SYT17: variants seen among roughly 807,000 people sequenced by gnomAD.
The protein encoded by SYT17 is synaptotagmin-17.
SYT17 carries 22 observed loss-of-function variants against 46.7 expected under a neutral mutation model. The ratio of observed to expected loss-of-function variants is 0.47; its 90% confidence interval spans 0.34 to 0.67. The LOEUF (loss-of-function observed/expected upper bound fraction) is 0.67, where lower values mean the gene tolerates loss of function less well. Among genes scored for constraint, SYT17 ranks in the 30% least tolerant of loss-of-function variants. The pLI is 0.01. For missense variants in SYT17, 519 were observed against 612.8 expected (o/e 0.85, Z 1.62); for synonymous variants, 251 against 248.4 (o/e 1.01, Z -0.10).
At chr16:19,236,075 GTTCC>G (rs749451590) in intron 7 of SYT17, among the ~76,000 whole-genome samples, 2 of 152,152 alleles carry the variant, frequency 1.3e-5, no homozygotes, top group Non-Finnish European at 2.9e-5. Context: ...CAACCCCTGA[GTTCC>G]TTACCAGATT....
intron 7 of SYT17, among the ~76,000 whole-genome samples, chr16:19,251,369 G>A (rs1299767701): frequency 6.6e-6 from 1 of 152,296 alleles, no homozygotes; most frequent in Non-Finnish European, 1.5e-5. Context: ...CCACAGTATA[G>A]GTTAAGGAAT....
At chr16:19,186,584 C>A (rs548732039) in intron 5 of SYT17, among the ~76,000 whole-genome samples, 1 of 152,244 alleles carries the variant, frequency 6.6e-6, no homozygotes, top group Non-Finnish European at 1.5e-5. Context: ...CCGTCACACT[C>A]GGGCTTCCAG....
chr16:19,227,324 C>CCTT (rs1555460411), intron 7 of SYT17, among the ~76,000 whole-genome samples: 1 of 143,034 alleles, frequency 7.0e-6, no homozygotes, highest in African/African-American at 2.6e-5. Context: ...CTTCTCCCCG[C>CCTT]TTTTTTTTTT....
chr16:19,267,123 A>AG lies in SYT17; in HGVS notation c.*48dup. 2.7e-6 allele frequency: 4 copies of AG among 1,456,420 alleles called. No homozygotes were observed. Among genetic ancestry groups the AG allele is most frequent in the Non-Finnish European group, 3.7e-6 (4 of 1,093,636 alleles). The allele number at this position is 1,456,420 out of a possible 1,614,324, so 90.2% of individuals were successfully genotyped here. On this transcript the variant is annotated 3_prime_UTR_variant, in exon 8 of 8. Transcript: ENST00000355377. ...TCATTTGTTTAAAAAAAAAAAAAAA[A>AG]GACGGAAAAAAATGTGTCACATACT...
chr16:19,226,355 G>A (rs915654616), intron 7 of SYT17, among the ~76,000 whole-genome samples: 6 of 152,132 alleles, frequency 3.9e-5, no homozygotes, highest in Admixed American at 3.3e-4. Context: ...GTTAGATCTT[G>A]TCTAGAACCC....
In SYT17 at chr16:19,252,382, T is replaced by TATATATATATACATATATATAC. The variant is rs1331690027; in HGVS notation, c.1229-14476_1229-14455dup. On this transcript the variant is annotated intron_variant, in intron 7 of 7. Transcript: ENST00000355377. ...ACATATATATATACATATATATACA[T>TATATATATATACATATATATAC]ATATATATATACATATATATACATA... 2.2e-4 allele frequency among the ~76,000 whole-genome samples: 4 copies of TATATATATATACATATATATAC among 17,976 alleles called. 2 individuals are homozygous for TATATATATATACATATATATAC. The highest frequency in any genetic ancestry group is 3.3e-4 in the Non-Finnish European group (4 of 12,038). The allele number at this position is 17,976 out of a possible 152,430, so 11.8% of individuals were successfully genotyped here.
At chr16:19,224,896 C>A in intron 7 of SYT17, 58 bp downstream of exon 7, 1 of 1,592,916 alleles carries the variant, frequency 6.3e-7, no homozygotes, top group Non-Finnish European at 8.6e-7. Flanking sequence ...ACTTACTGTC[C>A]TAGAGCCAGA....
At chr16:19,222,948 A>T in intron 5 of SYT17, 97 bp from the exon 6 acceptor site, 1 of 1,530,598 alleles carries the variant, frequency 6.5e-7, no homozygotes, top group East Asian at 2.3e-5. Flanking sequence ...CGCTCACAGC[A>T]ACCTGTTTGT....
chr16:19,211,322 C>G (rs1020948745), intron 5 of SYT17: 12 of 683,848 alleles, frequency 1.8e-5, no homozygotes, highest in Non-Finnish European at 3.0e-5. Context: ...GACAACCCCT[C>G]TCGGCCCGTG....
chr16:19,247,357 C>T, intron 7 of SYT17, among the ~76,000 whole-genome samples: 1 of 152,194 alleles, frequency 6.6e-6, no homozygotes, highest in Admixed American at 6.5e-5. Flanking sequence ...TGTACTGTGA[C>T]CTAAATCCTA....
chr16:19,168,589 G>T lies in SYT17; in HGVS notation c.-58G>T. The T allele has an allele frequency of 1.3e-6, 2 of 1,542,900 alleles. No homozygotes were observed. Among genetic ancestry groups the T allele is most frequent in the Non-Finnish European group, 1.8e-6 (2 of 1,142,798 alleles). ...TTTCTTCCCCCTCCGCTGTTGGCGAGGGCAAAGTGGCCGTGGCGGCGCCAT... is the reference window on the plus strand; with the variant it reads ...TTTCTTCCCCCTCCGCTGTTGGCGATGGCAAAGTGGCCGTGGCGGCGCCAT... On this transcript the variant is annotated 5_prime_UTR_variant, in exon 1 of 8. It adds an upstream start codon to the 5' untranslated region. Coordinates refer to ENST00000355377, the MANE Select transcript of SYT17 (RefSeq NM_016524.4). The surrounding 1 kb of genome is among the most constrained non-coding windows in gnomAD (Gnocchi z 6.9).
At chr16:19,250,138 A>C (rs933143590) in intron 7 of SYT17, 1 of 1,425,598 alleles carries the variant, frequency 7.0e-7, no homozygotes, top group Non-Finnish European at 9.2e-7. Flanking sequence ...TTTATTTAAA[A>C]ATTTTTTAAC....
intron 5 of SYT17, among the ~76,000 whole-genome samples, chr16:19,212,189 A>G (rs1216609414): frequency 6.6e-6 from 1 of 152,136 alleles, no homozygotes; most frequent in Non-Finnish European, 1.5e-5. Context: ...ATGCTGCTAA[A>G]CTTCCTGTAG....
At chr16:19,218,452 G>A (rs1156745452) in intron 5 of SYT17, among the ~76,000 whole-genome samples, 2 of 152,222 alleles carry the variant, frequency 1.3e-5, no homozygotes, top group Non-Finnish European at 2.9e-5. Context: ...GCTGTGTATG[G>A]AGGATGGGAT....
rs2142484125 is a variant in SYT17 at position 19,168,776 on chromosome 16, G to C, written c.15+115G>C. On this transcript the variant is annotated intron_variant, in intron 1 of 7. Transcript: ENST00000355377. This position sits in a 1 kb window ranked among gnomAD's most constrained non-coding sequence, Gnocchi z 6.9. ...GGCTAGGCTCCCACAAACTTGCTTC[G>C]AGAAAAAGGGTGCCCGTGCGCGGGC... 7.7e-7 allele frequency: 1 copy of C among 1,303,474 alleles called. No homozygotes were observed. The highest frequency in any genetic ancestry group is 3.0e-5 in the East Asian group (1 of 32,864). 80.7% of individuals were successfully genotyped at this position (1,303,474 alleles called of 1,614,324 possible). A position where few individuals can be genotyped will look rare whatever the true frequency, so the allele number is the denominator to read the frequency against.
chr16:19,193,748 T>C (rs1206033169), intron 5 of SYT17, among the ~76,000 whole-genome samples: 10 of 152,216 alleles, frequency 6.6e-5, no homozygotes, highest in Admixed American at 4.6e-4. Context: ...TTAATCATAC[T>C]GGGGAACTCA....
In SYT17 at chr16:19,268,067, G is replaced by A. The variant is rs1410270542; in HGVS notation, c.*991G>A. 6.6e-6 allele frequency: 1 copy of A among 151,922 alleles called. No homozygotes were observed. Among genetic ancestry groups the A allele is most frequent in the African/African-American group, 2.4e-5 (1 of 41,360 alleles). The allele number at this position is 151,922 out of a possible 1,614,324, so 9.4% of individuals were successfully genotyped here. On this transcript the variant is annotated 3_prime_UTR_variant, in exon 8 of 8. Transcript: ENST00000355377. ...AAAGACATACAAAGACTTGATATAT[G>A]GATTAAAATGGCTATCACACCCCAT...
chr16:19,168,684 G>C lies in SYT17; in HGVS notation c.15+23G>C, dbSNP rs1472893145. ...CAGGTAGGGCTGAGGCTGGGGGCAA[G>C]GTCCGGGGTGCGGGTAGGGGGTGCC... On this transcript the variant is annotated intron_variant, in intron 1 of 7. Transcript: ENST00000355377. The surrounding 1 kb of genome is among the most constrained non-coding windows in gnomAD (Gnocchi z 6.9). 1 of 1,497,768 alleles carries C rather than the reference G, an allele frequency of 6.7e-7. No individual in the cohort carries two copies. The highest frequency in any genetic ancestry group is 2.9e-5 in the East Asian group (1 of 35,024). The allele number at this position is 1,497,768 out of a possible 1,614,324, so 92.8% of individuals were successfully genotyped here.
chr16:19,265,028 C>T (rs771648738), intron 7 of SYT17, among the ~76,000 whole-genome samples: 23 of 152,150 alleles, frequency 1.5e-4, no homozygotes, highest in Non-Finnish European at 2.6e-4. Context: ...AAGAAGAAAA[C>T]TAAATGGGGC....
Sources: gnomAD v4.1 joint callset for allele counts (sites outside exome capture counted in the v4.1 genomes callset) on GRCh38, gnomAD v4.1.1 for gene constraint, Gnocchi (gnomAD v3.1) non-coding constraint, MANE v1.5 for transcripts, NCBI Gene and HGNC (gene_info 2026-07-23, HGNC 2026-07-21) for gene names.